Variants in CNTN4 observed in about 807,000 individuals in gnomAD.
CNTN4 encodes the protein contactin-4.
A neutral mutation model predicts 122.5 loss-of-function variants in CNTN4; 77 were observed. The ratio of observed to expected loss-of-function variants is 0.63; its 90% confidence interval spans 0.52 to 0.76. CNTN4 has a LOEUF of 0.76. Among genes scored for constraint, CNTN4 ranks in the 30% least tolerant of loss-of-function variants. CNTN4 has a pLI of 0.00. For missense variants in CNTN4, 1,256 were observed against 1,259.1 expected, an observed-to-expected ratio of 1.00 and a Z score of 0.04; for synonymous variants, 512 against 447.0, an observed-to-expected ratio of 1.15 and a Z score of -1.83.
chr3:2,202,543 C>T (rs7631331), intron 2 of CNTN4, among the ~76,000 whole-genome samples: 7,102 of 152,160 alleles, frequency 0.047, 297 homozygotes, highest in African/African-American at 0.12. Context: ...CTAGGTGTTT[C>T]CAAAGTCTCA....
Position 2,387,800 on chromosome 3 carries a change from G to A in CNTN4, c.-89+48567G>A, listed in dbSNP as rs554832365. ...TCCATTATTCTTCATTATTTCTTAT[G>A]TTCCACCCATTATACGTGAACTATG... On this transcript the variant is annotated intron_variant, in intron 3 of 24. Coordinates refer to ENST00000418658, the MANE Select transcript of CNTN4 (RefSeq NM_175607.3). Among the ~76,000 whole-genome samples the A allele has an allele frequency of 2.2e-3, 334 of 152,218 alleles. 1 individual carries two copies. Among genetic ancestry groups the A allele is most frequent in the Non-Finnish European group, 3.6e-3 (248 of 67,998 alleles).
intron 5 of CNTN4, among the ~76,000 whole-genome samples, chr3:2,744,404 T>G (rs574662650): frequency 5.8e-4 from 89 of 152,226 alleles, no homozygotes; most frequent in Admixed American, 1.1e-3. Context: ...AAATGGTGAT[T>G]TTTACTATTT....
chr3:2,173,989 G>A (rs2036631459), intron 2 of CNTN4, among the ~76,000 whole-genome samples: 2 of 152,104 alleles, frequency 1.3e-5, no homozygotes, highest in African/African-American at 2.4e-5. Flanking sequence ...GAAGGGTGAC[G>A]ATCTTGAGGT....
At chr3:2,191,846 A>G (rs766412751) in intron 2 of CNTN4, among the ~76,000 whole-genome samples, 5 of 152,042 alleles carry the variant, frequency 3.3e-5, no homozygotes, top group Admixed American at 2.0e-4. Flanking sequence ...TGTCATTTAC[A>G]TTAGGTATAT....
intron 2 of CNTN4, among the ~76,000 whole-genome samples, chr3:2,129,365 G>A (rs967478834): frequency 2.0e-5 from 3 of 148,494 alleles, no homozygotes; most frequent in South Asian, 2.2e-4. Context: ...GTTGGCTTCC[G>A]TAGTGGACTT....
intron 2 of CNTN4, among the ~76,000 whole-genome samples, chr3:2,119,760 C>A (rs185184680): frequency 2.0e-5 from 3 of 150,672 alleles, no homozygotes. Flanking sequence ...AGCCGTAGGA[C>A]CAAGCTAGAT....
intron 3 of CNTN4, among the ~76,000 whole-genome samples, chr3:2,443,286 C>A (rs1301089917): frequency 6.6e-6 from 1 of 152,128 alleles, no homozygotes; most frequent in East Asian, 1.9e-4. Context: ...TGGTTCCAGC[C>A]TGGTTCCTTG....
intron 3 of CNTN4, among the ~76,000 whole-genome samples, chr3:2,393,112 G>A (rs181194888): frequency 1.3e-5 from 2 of 152,196 alleles, no homozygotes; most frequent in Admixed American, 1.3e-4. Context: ...ACCTTCTTGT[G>A]GTTTGCCTGC....
chr3:2,831,493 A>G (rs1355540175), intron 7 of CNTN4, among the ~76,000 whole-genome samples: 1 of 152,212 alleles, frequency 6.6e-6, no homozygotes, highest in African/African-American at 2.4e-5. Flanking sequence ...AATGTTCGTG[A>G]TATCTGAAGT....
chr3:2,758,233 T>C (rs2090428205), intron 6 of CNTN4, among the ~76,000 whole-genome samples: 1 of 152,192 alleles, frequency 6.6e-6, no homozygotes, highest in Non-Finnish European at 1.5e-5. Flanking sequence ...GCCGAATAAA[T>C]GCTGTTAAGT....
chr3:2,854,215 G>A (rs918355802), intron 7 of CNTN4, among the ~76,000 whole-genome samples: 2 of 151,376 alleles, frequency 1.3e-5, no homozygotes, highest in South Asian at 2.1e-4. Context: ...GGGAAGCGGG[G>A]AAAAGCATCT....
chr3:2,221,782 A>G (rs972229107), intron 2 of CNTN4, among the ~76,000 whole-genome samples: 8 of 152,196 alleles, frequency 5.3e-5, no homozygotes, highest in East Asian at 1.9e-4. Context: ...GCGAGCATGC[A>G]TATGAAACAA....
intron 13 of CNTN4, among the ~76,000 whole-genome samples, chr3:2,964,937 C>A (rs1692147160): frequency 6.6e-6 from 1 of 152,104 alleles, no homozygotes; most frequent in South Asian, 2.1e-4. Context: ...AATTATGCTT[C>A]CATCGTGCCC....
chr3:2,310,624 T>C (rs1236644832), intron 2 of CNTN4, among the ~76,000 whole-genome samples: 3 of 152,120 alleles, frequency 2.0e-5, no homozygotes, highest in African/African-American at 7.2e-5. Flanking sequence ...CCTACACCAT[T>C]ACTTGTTCCC....
intron 3 of CNTN4, among the ~76,000 whole-genome samples, chr3:2,465,477 G>A (rs148106215): frequency 0.041 from 6,218 of 152,198 alleles, 180 homozygotes; most frequent in Non-Finnish European, 0.061. Context: ...AGGAGTTCGT[G>A]ACCAGCCTGG....
At chr3:2,320,204 G>A (rs2043233089) in intron 2 of CNTN4, among the ~76,000 whole-genome samples, 4 of 152,078 alleles carry the variant, frequency 2.6e-5, no homozygotes, top group Admixed American at 2.6e-4. Context: ...ATGAGAAGTG[G>A]GGGGATTTAA....
chr3:2,533,853 A>C (rs1442419856), intron 3 of CNTN4, among the ~76,000 whole-genome samples: 1 of 151,968 alleles, frequency 6.6e-6, no homozygotes, highest in Non-Finnish European at 1.5e-5. Flanking sequence ...CATTTCTTTG[A>C]TGACCAGTGA....
At chr3:2,200,581 A>G (rs1457235321) in intron 2 of CNTN4, among the ~76,000 whole-genome samples, 1 of 152,208 alleles carries the variant, frequency 6.6e-6, no homozygotes, top group Non-Finnish European at 1.5e-5. Flanking sequence ...AAAGGTCAAT[A>G]GTGCCAAGGT....
chr3:2,598,240 A>T (rs180878921), intron 4 of CNTN4, among the ~76,000 whole-genome samples: 16 of 152,266 alleles, frequency 1.1e-4, no homozygotes, highest in Admixed American at 7.2e-4. Flanking sequence ...TAGTCCTATC[A>T]CTGAGCCCAG....
Sources: gnomAD v4.1 joint callset for allele counts (sites outside exome capture counted in the v4.1 genomes callset) on GRCh38, gnomAD v4.1.1 for gene constraint, MANE v1.5 for transcripts, NCBI Gene and HGNC (gene_info 2026-07-23, HGNC 2026-07-21) for gene names.